The following ANKRD45 variants were observed in gnomAD, a reference collection of about 807,000 sequenced individuals.
The protein encoded by ANKRD45 is ankyrin repeat domain 45, also known as ankyrin repeat domain-containing protein 45.
A neutral mutation model predicts 28.1 loss-of-function variants in ANKRD45; 21 were observed. That is an observed-to-expected ratio of 0.75 (90% confidence interval 0.53 to 1.08). ANKRD45 has a LOEUF of 1.08. Ranked by LOEUF, ANKRD45 falls within the 50% of genes least tolerant of loss-of-function variation. ANKRD45 has a pLI of 0.00. For missense variants in ANKRD45, 261 were observed against 308.7 expected (o/e 0.85, Z 1.16); for synonymous variants, 86 against 103.9 (o/e 0.83, Z 1.05).
At chr1:173,672,587 T>A (rs1020386544), upstream of ANKRD45, among the ~76,000 whole-genome samples, 2 of 152,198 alleles carry the variant, frequency 1.3e-5, no homozygotes, top group African/African-American at 4.8e-5. Context: ...TTTTTAGTGC[T>A]CTGAATGCTA....
At chr1:173,670,476 G>A (rs1399415247), upstream of ANKRD45, among the ~76,000 whole-genome samples, 1 of 152,200 alleles carries the variant, frequency 6.6e-6, no homozygotes, top group Non-Finnish European at 1.5e-5. Flanking sequence ...GAAGGCAGGT[G>A]TGAAGGAAAA....
chr1:173,618,221 A>C (rs961549216), intron 5 of ANKRD45, among the ~76,000 whole-genome samples: 6 of 152,338 alleles, frequency 3.9e-5, no homozygotes, highest in Admixed American at 2.6e-4. Context: ...TGAAAACTCA[A>C]AAAGCCCAAG....
the ANKRD45 span, among the ~76,000 whole-genome samples, chr1:173,695,459 GT>G: frequency 6.6e-6 from 1 of 152,078 alleles, no homozygotes. Context: ...GCAGTATTTG[GT>G]TTTCTGTTCC....
chr1:173,614,306 G>A (rs1013377005), intron 5 of ANKRD45, among the ~76,000 whole-genome samples: 2 of 151,652 alleles, frequency 1.3e-5, no homozygotes, highest in Non-Finnish European at 2.9e-5. Context: ...AATAAAGAAA[G>A]AGCTGAACCT....
intron 3 of ANKRD45, among the ~76,000 whole-genome samples, chr1:173,628,869 C>A (rs1004297434): frequency 6.6e-6 from 1 of 152,376 alleles, no homozygotes; most frequent in South Asian, 2.1e-4. Context: ...CCAGGGCAGT[C>A]CTAGTGGTGG....
At chr1:173,685,524 A>C in the ANKRD45 span, among the ~76,000 whole-genome samples, 7 of 152,218 alleles carry the variant, frequency 4.6e-5, no homozygotes, top group Non-Finnish European at 5.9e-5. Flanking sequence ...CACAAGCATA[A>C]CAATTGCTTT....
At chr1:173,646,674 T>C (rs1328283078) in intron 3 of ANKRD45, among the ~76,000 whole-genome samples, 172 bp downstream of exon 3, 1 of 152,222 alleles carries the variant, frequency 6.6e-6, no homozygotes, top group East Asian at 1.9e-4. Flanking sequence ...ACAATGTTTA[T>C]GGCCAATAGC....
chr1:173,657,276 G>A (rs1328246514), intron 2 of ANKRD45: 4 of 259,084 alleles, frequency 1.5e-5, no homozygotes, highest in Non-Finnish European at 3.3e-5. Context: ...AGACCAGCCT[G>A]GCCAACGTGG....
chr1:173,668,382 C>T (rs141177043), intron 1 of ANKRD45, among the ~76,000 whole-genome samples: 231 of 152,212 alleles, frequency 1.5e-3, no homozygotes, highest in African/African-American at 5.4e-3. Flanking sequence ...GGAGCTCAAC[C>T]GAGTCCTGAC....
the ANKRD45 span, among the ~76,000 whole-genome samples, chr1:173,682,684 T>TACGCGCACACACACAC: frequency 2.1e-5 from 3 of 143,940 alleles, no homozygotes; most frequent in Non-Finnish European, 3.1e-5. Context: ...GCCTTTTAAA[T>TACGCGCACACACACAC]ACACACACAC....
chr1:173,670,628 C>T (rs544399693), upstream of ANKRD45, among the ~76,000 whole-genome samples: 19 of 152,152 alleles, frequency 1.2e-4, no homozygotes, highest in Non-Finnish European at 2.4e-4. Context: ...AAAATTTCAC[C>T]ATTGTTACAG....
chr1:173,676,711 A>G, the ANKRD45 span, among the ~76,000 whole-genome samples: 125 of 151,998 alleles, frequency 8.2e-4, 2 homozygotes, highest in Non-Finnish European at 2.1e-4. Flanking sequence ...TGACAAGGAA[A>G]TTTGTTACCT....
chr1:173,635,716 C>T, intron 3 of ANKRD45: 1 of 1,535,630 alleles, frequency 6.5e-7, no homozygotes. Flanking sequence ...TATGCTGCGA[C>T]TTTGCTAACA....
the ANKRD45 span, among the ~76,000 whole-genome samples, chr1:173,697,411 G>A: frequency 2.0e-5 from 3 of 152,324 alleles, no homozygotes; most frequent in East Asian, 5.8e-4. Context: ...AGGGCAGCCA[G>A]AGAGAAAGGT....
Position 173,608,491 on chromosome 1 carries a change from G to T in ANKRD45, c.*1654C>A, listed in dbSNP as rs1295895566. On this transcript the variant is annotated 3_prime_UTR_variant, in exon 6 of 6. Transcript: ENST00000333279. Reference sequence around the variant, plus strand: ...TGCCACCACATACAGCTAAATTTTTGTATTTTTAGTAGAGACAGGGTTTCA... The same window carrying T: ...TGCCACCACATACAGCTAAATTTTTTTATTTTTAGTAGAGACAGGGTTTCA... 6.6e-6 allele frequency among the ~76,000 whole-genome samples: 1 copy of T among 151,762 alleles called. No individual in the cohort carries two copies. Among genetic ancestry groups the T allele is most frequent in the African/African-American group, 2.4e-5 (1 of 41,316 alleles).
chr1:173,650,507 G>C (rs1233379578), intron 2 of ANKRD45, among the ~76,000 whole-genome samples: 2 of 152,166 alleles, frequency 1.3e-5, no homozygotes, highest in Admixed American at 1.3e-4. Context: ...ATCATTGATG[G>C]GCACTTGGGT....
intron 5 of ANKRD45, among the ~76,000 whole-genome samples, chr1:173,624,529 C>G (rs1667842640): frequency 6.6e-6 from 1 of 151,470 alleles, no homozygotes. Flanking sequence ...CTACAGTAAT[C>G]CCATAAAATT....
chr1:173,635,430 G>A, intron 3 of ANKRD45: 1 of 967,992 alleles, frequency 1.0e-6, no homozygotes, highest in Non-Finnish European at 1.5e-6. Context: ...CCCTTCGTAG[G>A]GAATTTAGTT....
At chr1:173,682,718 C>CACACACACACACACAT in the ANKRD45 span, among the ~76,000 whole-genome samples, 1 of 151,856 alleles carries the variant, frequency 6.6e-6, no homozygotes, top group Non-Finnish European at 1.5e-5. Context: ...CACACACACA[C>CACACACACACACACAT]ACACATCTTG....
Sources: gnomAD v4.1 joint callset for allele counts (sites outside exome capture counted in the v4.1 genomes callset) on GRCh38, gnomAD v4.1.1 for gene constraint, MANE v1.5 for transcripts, NCBI Gene and HGNC (gene_info 2026-07-23, HGNC 2026-07-21) for gene names.